Variants in HTR7 observed in about 807,000 individuals in gnomAD.
HTR7 encodes 5-HT-7.
A neutral mutation model predicts 34.0 loss-of-function variants in HTR7; 16 were observed. The ratio of observed to expected loss-of-function variants is 0.47; its 90% CI spans 0.32 to 0.71. The LOEUF is 0.71. Among genes scored for constraint, HTR7 ranks in the 30% least tolerant of loss-of-function variants. HTR7 has a pLI of 0.04. For missense variants in HTR7, 504 were observed against 625.5 expected (o/e 0.81, Z 2.07); for synonymous variants, 265 against 260.2 (o/e 1.02, Z -0.18).
chr10:90,773,971 C>T (rs1410946515), intron 1 of HTR7, among the ~76,000 whole-genome samples: 6 of 151,488 alleles, frequency 4.0e-5, no homozygotes, highest in African/African-American at 1.2e-4. Context: ...TTTTTTTTTC[C>T]GATCTGCCAA....
intron 1 of HTR7, among the ~76,000 whole-genome samples, chr10:90,779,441 G>C (rs533083696): frequency 6.6e-6 from 1 of 152,306 alleles, no homozygotes; most frequent in Admixed American, 6.5e-5. Context: ...CCTCATTGCT[G>C]ACTCCCTGCC....
intron 1 of HTR7, among the ~76,000 whole-genome samples, chr10:90,777,867 G>T (rs1376836920): frequency 6.6e-6 from 1 of 152,206 alleles, no homozygotes; most frequent in African/African-American, 2.4e-5. Flanking sequence ...CAGTATGAGA[G>T]ATCAAAATCT....
In HTR7 at chr10:90,857,013, G is replaced by A. The variant is rs1030625637; in HGVS notation, c.539+120C>T. On this transcript the variant is annotated intron_variant, in intron 1 of 3. Transcript: ENST00000336152. The surrounding 1 kb of genome is among the most constrained non-coding windows in gnomAD (Gnocchi z 6.5). Reference sequence around the variant, plus strand: ...TGGATTGGGGGGAGCGGTGTTTTAAGCGCAGCCCTTCATCCCGCCTTGAAG... The same window carrying A: ...TGGATTGGGGGGAGCGGTGTTTTAAACGCAGCCCTTCATCCCGCCTTGAAG... 3.2e-6 allele frequency: 3 copies of A among 931,404 alleles called. No homozygotes were observed. The highest frequency in any genetic ancestry group is 3.3e-5 in the African/African-American group (2 of 59,930). 57.7% of individuals were successfully genotyped at this position (931,404 alleles called of 1,614,324 possible). A position where few individuals can be genotyped will look rare whatever the true frequency, so the allele number is the denominator to read the frequency against.
intron 1 of HTR7, among the ~76,000 whole-genome samples, chr10:90,856,769 A>G (rs1846586700): frequency 6.6e-6 from 1 of 151,952 alleles, no homozygotes; most frequent in Non-Finnish European, 1.5e-5. Context: ...TTTTTTAATG[A>G]CTCTTTAAGG....
At chr10:90,816,898 G>A (rs1308624287) in intron 1 of HTR7, among the ~76,000 whole-genome samples, 3 of 152,182 alleles carry the variant, frequency 2.0e-5, no homozygotes, top group African/African-American at 7.2e-5. Flanking sequence ...TTTGGCTTTG[G>A]TTTTTAGCTC....
intron 1 of HTR7, among the ~76,000 whole-genome samples, chr10:90,792,895 C>T (rs747939864): frequency 1.3e-5 from 2 of 148,594 alleles, no homozygotes; most frequent in African/African-American, 5.2e-5. Flanking sequence ...TGAAAATTAA[C>T]GACAAAAAAA....
chr10:90,757,457 G>A (rs1844849077), intron 1 of HTR7, among the ~76,000 whole-genome samples: 1 of 152,166 alleles, frequency 6.6e-6, no homozygotes, highest in African/African-American at 2.4e-5. Context: ...GAGCTTAGCG[G>A]GATGTTGTCT....
At chr10:90,802,387 G>A (rs1352146359) in intron 1 of HTR7, among the ~76,000 whole-genome samples, 3 of 152,274 alleles carry the variant, frequency 2.0e-5, no homozygotes, top group East Asian at 1.9e-4. Context: ...GCAGTCTTTC[G>A]CTGGCTTAAG....
chr10:90,772,883 C>A (rs117152521), intron 1 of HTR7, among the ~76,000 whole-genome samples: 1 of 152,268 alleles, frequency 6.6e-6, no homozygotes, highest in Non-Finnish European at 1.5e-5. Flanking sequence ...TTATTATCAT[C>A]CCTATTTTAC....
intron 1 of HTR7, among the ~76,000 whole-genome samples, chr10:90,829,791 T>C (rs1482587265): frequency 2.0e-5 from 3 of 151,946 alleles, no homozygotes; most frequent in African/African-American, 7.3e-5. Flanking sequence ...ACATACAAAA[T>C]CAATATACAG....
At chr10:90,791,237 G>GAT (rs112710670) in intron 1 of HTR7, among the ~76,000 whole-genome samples, 3,132 of 150,862 alleles carry the variant, frequency 0.021, 97 homozygotes, top group African/African-American at 0.069. Flanking sequence ...AGAGAATACA[G>GAT]ATATATATAT....
Position 90,741,541 on chromosome 10 carries a change from A to T in HTR7, c.*941T>A, listed in dbSNP as rs1230383755. 1 of 152,214 alleles carries T rather than the reference A, an allele frequency of 6.6e-6. No homozygotes were observed. The highest frequency in any genetic ancestry group is 6.5e-5 in the Admixed American group (1 of 15,272). The allele number at this position is 152,214 out of a possible 1,614,324, so 9.4% of individuals were successfully genotyped here. A position where few individuals can be genotyped will look rare whatever the true frequency, so the allele number is the denominator to read the frequency against. ...GTTTAACACAATGCAGCTCAACAAG[A>T]ATGAACATGTTTATGCCCCATCTCC... On this transcript the variant is annotated 3_prime_UTR_variant, in exon 4 of 4. Coordinates refer to ENST00000336152, the MANE Select transcript of HTR7 (RefSeq NM_019859.4).
intron 1 of HTR7, among the ~76,000 whole-genome samples, chr10:90,833,156 G>T (rs964714883): frequency 6.6e-6 from 1 of 152,162 alleles, no homozygotes; most frequent in South Asian, 2.1e-4. Context: ...AAACTCCTAG[G>T]CCATTAGAAA....
At chr10:90,819,531 A>G (rs1446880549) in intron 1 of HTR7, among the ~76,000 whole-genome samples, 2 of 152,120 alleles carry the variant, frequency 1.3e-5, no homozygotes, top group African/African-American at 4.8e-5. Flanking sequence ...TAAAATATCC[A>G]TTGATTTGTA....
At position 90,857,622 on chromosome 10, in the gene HTR7, C is replaced by T. The variant is rs765524525; in HGVS notation, c.50G>A (p.Arg17His). 2 of 1,598,328 alleles carry T rather than the reference C, an allele frequency of 1.3e-6. No individual in the cohort carries two copies. Among genetic ancestry groups the T allele is most frequent in the South Asian group, 2.2e-5 (2 of 89,250 alleles). ...CCCCACTTCTGGCAGAAGGAAAGAGCGGAGGTGCCCGTAGAGGTCCGGGCG... is the reference window on the plus strand; with the variant it reads ...CCCCACTTCTGGCAGAAGGAAAGAGTGGAGGTGCCCGTAGAGGTCCGGGCG... ...SGRPDLYGHL[R>H]SFLLPEVGRG... Residue 17 changes from arginine to histidine, a missense_variant, in exon 1 of 4, where the codon CGC becomes CAC. Physicochemically the swap from Arg to His is conservative, Grantham distance 29 (BLOSUM62 0). Transcript: ENST00000336152. The surrounding 1 kb of genome is among the most constrained non-coding windows in gnomAD (Gnocchi z 6.5).
In HTR7 at chr10:90,815,975, TC is replaced by T. The variant is rs554557861; in HGVS notation, c.539+41157del. Reference sequence around the variant, plus strand: ...TGCTAAGGGACATTAAGTGAAGCTATCCCTATGCTAACAGGGATAGCAGTGC... The same window carrying T: ...TGCTAAGGGACATTAAGTGAAGCTATCCTATGCTAACAGGGATAGCAGTGC... On this transcript the variant is annotated intron_variant, in intron 1 of 3. Transcript: ENST00000336152. Among the ~76,000 whole-genome samples, 321 of 152,306 alleles carry T rather than the reference TC, an allele frequency of 2.1e-3. 1 individual carries two copies. Among genetic ancestry groups the T allele is most frequent in the Middle Eastern group, 0.01 (3 of 294 alleles).
intron 1 of HTR7, among the ~76,000 whole-genome samples, chr10:90,828,762 A>G (rs1313022613): frequency 6.6e-6 from 1 of 152,158 alleles, no homozygotes; most frequent in African/African-American, 2.4e-5. Flanking sequence ...TTCACAAAAC[A>G]TTTTTAAAAA....
Position 90,857,205 on chromosome 10 carries a change from T to G in HTR7, c.467A>C (p.Asn156Thr), listed in dbSNP as rs752570861. 2 of 1,613,598 alleles carry G rather than the reference T, an allele frequency of 1.2e-6. No individual in the cohort carries two copies. Among genetic ancestry groups the G allele is most frequent in the Non-Finnish European group, 8.5e-7 (1 of 1,179,916 alleles). Residue 156 changes from asparagine (N) to threonine (T), a missense_variant, in exon 1 of 4, where the codon AAT becomes ACT. Around this residue, in one of 4 missense-constraint regions of HTR7, gnomAD observed 154 missense variants for 248.8 expected, o/e 0.62. Coordinates refer to ENST00000336152, the MANE Select transcript of HTR7 (RefSeq NM_019859.4). This position sits in a 1 kb window ranked among gnomAD's most constrained non-coding sequence, Gnocchi z 6.5. Reference protein sequence around the residue: ...GKWIFGHFFCNVFIAMDVMCC... With the variant: ...GKWIFGHFFCTVFIAMDVMCC... The stretch of plus-strand genomic sequence containing the variant: ...CATGACGTCCATGGCGATGAAGACA[T>G]TACAGAAAAAGTGTCCAAAGATCCA...
chr10:90,762,183 T>C (rs1215267048), intron 1 of HTR7, among the ~76,000 whole-genome samples: 1 of 152,168 alleles, frequency 6.6e-6, no homozygotes, highest in Non-Finnish European at 1.5e-5. Context: ...CAGTTAGTTG[T>C]ATTTTTATTT....
Sources: gnomAD v4.1 joint callset for allele counts (sites outside exome capture counted in the v4.1 genomes callset) on GRCh38, gnomAD v4.1.1 for gene constraint, gnomAD v4.1.1 regional missense constraint, Gnocchi (gnomAD v3.1) non-coding constraint, MANE v1.5 for transcripts, NCBI Gene and HGNC (gene_info 2026-07-23, HGNC 2026-07-21) for gene names.